Variants in OPHN1 observed in about 807,000 individuals in gnomAD.
The protein encoded by OPHN1 is oligophrenin 1.
Under a neutral mutation model 60.7 loss-of-function variants are expected in OPHN1, and 11 were observed. That is an observed-to-expected ratio of 0.18 (90% confidence interval 0.11 to 0.30). The LOEUF (loss-of-function observed/expected upper bound fraction) is 0.30. OPHN1 is among the 10% of genes least tolerant of loss of function. The pLI, the probability that OPHN1 is intolerant of heterozygous loss-of-function variation, is 1.00. For missense variants in OPHN1, 449 were observed against 611.0 expected, an observed-to-expected ratio of 0.73 and a Z score of 2.80; for synonymous variants, 226 against 222.6, an observed-to-expected ratio of 1.02 and a Z score of -0.14.
chrX:68,250,019 G>A (rs1423430511), intron 5 of OPHN1, among the ~76,000 whole-genome samples: 1 of 112,158 alleles, frequency 8.9e-6, no homozygotes, highest in Non-Finnish European at 1.9e-5. Context: ...TTAAGGTAAG[G>A]ATAAATGTGG....
upstream of OPHN1, chrX:68,433,509 G>C (rs1341087414): frequency 7.0e-6 from 2 of 284,183 alleles, no homozygotes; most frequent in African/African-American, 5.5e-5. Context: ...CGAACTCCGC[G>C]GGCAACCCGG....
At chrX:68,225,977 CT>C (rs919521515) in intron 6 of OPHN1, among the ~76,000 whole-genome samples, 10 of 111,458 alleles carry the variant, frequency 9.0e-5, no homozygotes, top group Non-Finnish European at 1.1e-4. Context: ...AGCTAAAAAC[CT>C]TGAAAAAAGA....
At chrX:68,208,766 T>A (rs1054921575) in intron 9 of OPHN1, among the ~76,000 whole-genome samples, 2 of 111,943 alleles carry the variant, frequency 1.8e-5, no homozygotes, top group Non-Finnish European at 3.8e-5. Flanking sequence ...CCAGGGGACA[T>A]GTGGCAATAC....
At chrX:68,270,165 G>C (rs1260819850) in intron 5 of OPHN1, among the ~76,000 whole-genome samples, 1 of 111,294 alleles carries the variant, frequency 9.0e-6, no homozygotes, top group East Asian at 2.8e-4. Flanking sequence ...TTCAACCCTT[G>C]TGGAAGTCAG....
chrX:68,289,992 T>C (rs1475281868), intron 3 of OPHN1, among the ~76,000 whole-genome samples: 2 of 111,196 alleles, frequency 1.8e-5, no homozygotes, highest in Non-Finnish European at 3.8e-5. Context: ...TGCAGAAAAT[T>C]GTTTCGACCC....
At chrX:68,085,219 T>C (rs747829875) in intron 19 of OPHN1, among the ~76,000 whole-genome samples, 6 of 112,235 alleles carry the variant, frequency 5.3e-5, no homozygotes, top group Non-Finnish European at 1.1e-4. Context: ...TTCTTTGCTG[T>C]TCAACATGCC....
At chrX:68,369,345 G>GA (rs1209585538) in intron 2 of OPHN1, among the ~76,000 whole-genome samples, 2 of 111,289 alleles carry the variant, frequency 1.8e-5, no homozygotes, top group African/African-American at 6.5e-5. Flanking sequence ...AACAACCACA[G>GA]AAAAAACCCC....
intron 15 of OPHN1, among the ~76,000 whole-genome samples, chrX:68,176,464 A>G (rs1296015567): frequency 8.9e-6 from 1 of 111,890 alleles, no homozygotes; most frequent in African/African-American, 3.2e-5. Context: ...GCAAATCAAA[A>G]CCACAATGAG....
At chrX:68,220,066 C>T (rs2077644740) in intron 6 of OPHN1, among the ~76,000 whole-genome samples, 1 of 102,994 alleles carries the variant, frequency 9.7e-6, no homozygotes, top group Admixed American at 1.1e-4. Flanking sequence ...AGAGAAGAAT[C>T]AAATAGACGC....
intron 15 of OPHN1, among the ~76,000 whole-genome samples, chrX:68,184,293 T>C (rs1364854819): frequency 9.0e-6 from 1 of 111,455 alleles, no homozygotes; most frequent in South Asian, 3.8e-4. Context: ...AGGCCGAGGC[T>C]GGCAGATCAC....
intron 2 of OPHN1, among the ~76,000 whole-genome samples, chrX:68,385,979 G>C (rs770701931): frequency 1.8e-5 from 2 of 112,202 alleles, no homozygotes; most frequent in East Asian, 5.6e-4. Context: ...CAAGAGTCAA[G>C]AGGGTGGAGT....
At chrX:68,366,773 C>G (rs753831065) in intron 2 of OPHN1, among the ~76,000 whole-genome samples, 2 of 111,887 alleles carry the variant, frequency 1.8e-5, no homozygotes, top group Non-Finnish European at 3.8e-5. Context: ...GTGTAATTTC[C>G]AAAGATAACT....
chrX:68,070,836 G>C, intron 20 of OPHN1: 9 of 1,168,782 alleles, frequency 7.7e-6, no homozygotes, highest in Non-Finnish European at 9.3e-6. Context: ...CACAGTCCAA[G>C]CCCATTCAGC....
chrX:68,112,061 GCACACACACACACACACA>G, intron 17 of OPHN1, 102 bp from the exon 18 acceptor site: 1 of 393,817 alleles, frequency 2.5e-6, no homozygotes, highest in Non-Finnish European at 4.5e-6. Flanking sequence ...ATGCACACAT[GCACACACACACACACACA>G]CACACACACA....
intron 3 of OPHN1, among the ~76,000 whole-genome samples, chrX:68,287,146 G>GAAAGA (rs754281947): frequency 1.9e-5 from 1 of 52,880 alleles, no homozygotes; most frequent in African/African-American, 3.3e-4. Context: ...AGGAAGGAAG[G>GAAAGA]AAGAAAGAAG....
At chrX:68,132,985 C>T in intron 15 of OPHN1, 1 of 467,328 alleles carries the variant, frequency 2.1e-6, no homozygotes. Context: ...GCCTCAGGCC[C>T]CCGGACGCCA....
At chrX:68,336,865 C>CATAT (rs2078326101) in intron 2 of OPHN1, among the ~76,000 whole-genome samples, 1 of 110,290 alleles carries the variant, frequency 9.1e-6, no homozygotes, top group Admixed American at 9.8e-5. Context: ...ACCAGCCTGG[C>CATAT]CAACATGGTG....
At chrX:68,113,541 C>A (rs1036591311) in intron 16 of OPHN1, among the ~76,000 whole-genome samples, 1 of 110,959 alleles carries the variant, frequency 9.0e-6, no homozygotes, top group African/African-American at 3.3e-5. Context: ...TACCATGAAT[C>A]CCTTACGATT....
chrX:68,191,780 A>G (rs937263744), intron 15 of OPHN1, among the ~76,000 whole-genome samples: 1 of 112,039 alleles, frequency 8.9e-6, no homozygotes, highest in African/African-American at 3.2e-5. Context: ...TGAAGCAGCT[A>G]TAACTAGCAA....
Sources: allele counts gnomAD v4.1 joint callset (sites outside exome capture counted in the v4.1 genomes callset), GRCh38; gene constraint gnomAD v4.1.1; transcripts MANE v1.5; gene names NCBI Gene and HGNC (gene_info 2026-07-23, HGNC 2026-07-21).